The following AP1AR variants were observed in gnomAD, a reference collection of about 807,000 sequenced individuals.
AP1AR encodes the protein AP-1 complex-associated regulatory protein.
In AP1AR, 29 loss-of-function variants were observed where a neutral mutation model predicts 46.3. The observed-to-expected ratio is 0.63, with a 90% CI of 0.47 to 0.85. The LOEUF (loss-of-function observed/expected upper bound fraction) is 0.85, where lower values mean the gene tolerates loss of function less well. Among genes scored for constraint, AP1AR ranks in the 40% least tolerant of loss-of-function variants. The pLI is 0.00. For missense variants in AP1AR, 357 were observed against 356.3 expected, an observed-to-expected ratio of 1.00 and a Z score of -0.02; for synonymous variants, 122 against 122.9, an observed-to-expected ratio of 0.99 and a Z score of 0.05.
intron 5 of AP1AR, among the ~76,000 whole-genome samples, chr4:112,261,986 G>A (rs966634441): frequency 2.6e-5 from 4 of 151,160 alleles, no homozygotes; most frequent in Non-Finnish European, 5.9e-5. Context: ...AAAAATAAAT[G>A]CACACACACA....
At chr4:112,250,145 A>C (rs1725893677) in intron 1 of AP1AR, among the ~76,000 whole-genome samples, 1 of 152,198 alleles carries the variant, frequency 6.6e-6, no homozygotes, top group Non-Finnish European at 1.5e-5. Context: ...CTTCACTTAC[A>C]TTCTCATCCT....
chr4:112,268,938 A>T lies in AP1AR; in HGVS notation c.*529A>T, dbSNP rs1194258551. 3 of 151,748 alleles carry T rather than the reference A, an allele frequency of 2.0e-5. No homozygotes were observed. The allele number at this position is 151,748 out of a possible 1,614,324, so 9.4% of individuals were successfully genotyped here. On this transcript the variant is annotated 3_prime_UTR_variant, in exon 10 of 10. Coordinates refer to ENST00000274000, the MANE Select transcript of AP1AR (RefSeq NM_018569.6). ...TAAGTACAGTTGATGTGGGTAGATG[A>T]CTCTAAGAAATGCTGAAGTATCGGC...
chr4:112,239,720 A>G (rs1005558590), intron 1 of AP1AR, among the ~76,000 whole-genome samples: 1 of 152,212 alleles, frequency 6.6e-6, no homozygotes, highest in Non-Finnish European at 1.5e-5. Context: ...CTCGTTCACC[A>G]TTCTCTGACA....
intron 1 of AP1AR, among the ~76,000 whole-genome samples, chr4:112,238,930 G>A (rs116337662): frequency 1.4e-3 from 217 of 151,718 alleles, no homozygotes; most frequent in Admixed American, 3.2e-3. Flanking sequence ...CTACTACTTC[G>A]TTCCCTACCT....
intron 3 of AP1AR, among the ~76,000 whole-genome samples, chr4:112,256,237 ATT>A (rs1726194130): frequency 6.6e-6 from 1 of 152,216 alleles, no homozygotes; most frequent in Non-Finnish European, 1.5e-5. Flanking sequence ...GATAGGACAC[ATT>A]TTGGAAACTA....
At chr4:112,232,562 T>G (rs1263801182) in intron 1 of AP1AR, among the ~76,000 whole-genome samples, 1 of 152,254 alleles carries the variant, frequency 6.6e-6, no homozygotes, top group African/African-American at 2.4e-5. Context: ...TCCCTGTATC[T>G]GACCCTCTCT....
chr4:112,249,270 A>G (rs1275414226), intron 1 of AP1AR, among the ~76,000 whole-genome samples: 1 of 151,930 alleles, frequency 6.6e-6, no homozygotes, highest in African/African-American at 2.4e-5. Flanking sequence ...CAGCCTGGGC[A>G]ACAAGAGCAA....
intron 8 of AP1AR, 105 bp from the exon 9 acceptor site, chr4:112,266,483 G>A: frequency 3.7e-6 from 4 of 1,089,078 alleles, no homozygotes; most frequent in Non-Finnish European, 5.2e-6. Flanking sequence ...GAAGCTAAAA[G>A]TAATAATAAT....
intron 1 of AP1AR, among the ~76,000 whole-genome samples, chr4:112,238,055 T>C (rs765600262): frequency 1.3e-5 from 2 of 152,258 alleles, no homozygotes; most frequent in Non-Finnish European, 2.9e-5. Flanking sequence ...CAAATGAGTG[T>C]GGCTATATTT....
Position 112,270,493 on chromosome 4 carries a change from A to T in AP1AR, c.*2084A>T, listed in dbSNP as rs1224141613. 6.6e-6 allele frequency among the ~76,000 whole-genome samples: 1 copy of T among 152,252 alleles called. No homozygotes were observed. Among genetic ancestry groups the T allele is most frequent in the Non-Finnish European group, 1.5e-5 (1 of 68,046 alleles). ...TTGACTACTTCTCATAGGTCAGGACAATCCTCTCTGAGGAGATAGCTTGGC... is the reference window on the plus strand; with the variant it reads ...TTGACTACTTCTCATAGGTCAGGACTATCCTCTCTGAGGAGATAGCTTGGC... On this transcript the variant is annotated 3_prime_UTR_variant, in exon 10 of 10. Transcript: ENST00000274000.
At chr4:112,260,538 T>C (rs1229152927) in intron 4 of AP1AR, among the ~76,000 whole-genome samples, 1 of 152,254 alleles carries the variant, frequency 6.6e-6, no homozygotes, top group Non-Finnish European at 1.5e-5. Context: ...TGTAATGCTT[T>C]AAAAACTATT....
chr4:112,247,445 TG>T (rs1276031200), intron 1 of AP1AR, among the ~76,000 whole-genome samples: 3 of 152,148 alleles, frequency 2.0e-5, no homozygotes, highest in Non-Finnish European at 2.9e-5. Context: ...CCAGACTCTT[TG>T]TATGAATGTC....
intron 1 of AP1AR, among the ~76,000 whole-genome samples, chr4:112,248,978 T>C (rs1725837036): frequency 6.6e-6 from 1 of 152,160 alleles, no homozygotes; most frequent in Non-Finnish European, 1.5e-5. Flanking sequence ...CCGAGAAGTC[T>C]GCCTTGACCA....
Position 112,264,998 on chromosome 4 carries a change from T to C in AP1AR, c.382-11T>C. Reference sequence around the variant, plus strand: ...CAGAGTGATTTTTTTTATTACATTATGTTTCCAAAGCAAGAAAGGCAGAGA... The same window carrying C: ...CAGAGTGATTTTTTTTATTACATTACGTTTCCAAAGCAAGAAAGGCAGAGA... On this transcript the variant is annotated splice_polypyrimidine_tract_variant and intron_variant, in intron 6 of 9. Coordinates refer to ENST00000274000, the MANE Select transcript of AP1AR (RefSeq NM_018569.6). 1 of 1,590,646 alleles carries C rather than the reference T, an allele frequency of 6.3e-7. No homozygotes were observed. The highest frequency in any genetic ancestry group is 1.3e-5 in the African/African-American group (1 of 74,080).
chr4:112,264,937 G>A (rs1467069023), intron 6 of AP1AR, 72 bp from the exon 7 acceptor site: 1 of 1,139,204 alleles, frequency 8.8e-7, no homozygotes, highest in African/African-American at 1.6e-5. Context: ...ACTTTTTGGT[G>A]TTGCATGAGT....
chr4:112,270,154 T>C lies in AP1AR; in HGVS notation c.*1745T>C, dbSNP rs1726891655. The C allele has an allele frequency of 6.6e-6, 1 of 152,560 alleles. No homozygotes were observed. The highest frequency in any genetic ancestry group is 2.4e-5 in the African/African-American group (1 of 41,444). The allele number at this position is 152,560 out of a possible 1,614,324, so 9.5% of individuals were successfully genotyped here. ...ATTAAATCTGATGTGAAGACAAAAG[T>C]AAATTAAGAAAGCAAGATGGAACTA... On this transcript the variant is annotated 3_prime_UTR_variant, in exon 10 of 10. Coordinates refer to ENST00000274000, the MANE Select transcript of AP1AR (RefSeq NM_018569.6).
rs1726987096 is a variant in AP1AR, at chr4:112,272,291, G to A, written c.*3882G>A. 6.6e-6 allele frequency among the ~76,000 whole-genome samples: 1 copy of A among 152,096 alleles called. No individual in the cohort carries two copies. The highest frequency in any genetic ancestry group is 1.5e-5 in the Non-Finnish European group (1 of 68,032). On this transcript the variant is annotated 3_prime_UTR_variant, in exon 10 of 10. Transcript: ENST00000274000. ...ACTGTGAGGGCTGGTGACAGGGAAGGGAAAATCTAACAGGAGACATCTTGA... is the reference window on the plus strand; with the variant it reads ...ACTGTGAGGGCTGGTGACAGGGAAGAGAAAATCTAACAGGAGACATCTTGA...
At position 112,249,155 on chromosome 4, in the gene AP1AR, G is replaced by A. The variant is rs376460369; in HGVS notation, c.84-4053G>A. ...TAAAAATACAAAAAATTAGCGGGGCGTGGTGGTGCATGCCTGTAATCCCAG... is the reference window on the plus strand; with the variant it reads ...TAAAAATACAAAAAATTAGCGGGGCATGGTGGTGCATGCCTGTAATCCCAG... On this transcript the variant is annotated intron_variant, in intron 1 of 9. Transcript: ENST00000274000. 6.7e-4 allele frequency among the ~76,000 whole-genome samples: 102 copies of A among 152,144 alleles called. 1 individual carries two copies. The highest frequency in any genetic ancestry group is 2.1e-3 in the African/African-American group (88 of 41,522).
At chr4:112,262,325 A>G (rs1016563694) in intron 5 of AP1AR, among the ~76,000 whole-genome samples, 1 of 152,244 alleles carries the variant, frequency 6.6e-6, no homozygotes, top group South Asian at 2.1e-4. Context: ...AAGTATGTTT[A>G]GGACCAATTA....
Sources: gnomAD v4.1 joint callset for allele counts (sites outside exome capture counted in the v4.1 genomes callset) on GRCh38, gnomAD v4.1.1 for gene constraint, MANE v1.5 for transcripts, NCBI Gene and HGNC (gene_info 2026-07-23, HGNC 2026-07-21) for gene names.